The following UTRN variants were observed in gnomAD, a reference collection of about 807,000 sequenced individuals.
UTRN encodes dystrophin-related protein 1.
Under a neutral mutation model 463.9 loss-of-function variants are expected in UTRN, and 283 were observed. The ratio of observed to expected loss-of-function variants is 0.61; its 90% CI spans 0.55 to 0.67. The LOEUF (loss-of-function observed/expected upper bound fraction) is 0.67, where lower values mean the gene tolerates loss of function less well. UTRN is among the 30% of genes least tolerant of loss of function. The pLI is 0.00. For missense variants in UTRN, 3,922 were observed against 4,084.3 expected (o/e 0.96, Z 1.08); for synonymous variants, 1,442 against 1,431.5 (o/e 1.01, Z -0.17).
intron 69 of UTRN, among the ~76,000 whole-genome samples, chr6:144,834,828 C>T (rs1406046796): frequency 6.6e-6 from 1 of 152,146 alleles, no homozygotes. Context: ...TGAGATAGCC[C>T]CATTTGACAC....
At chr6:144,810,904 A>G (rs1308302267) in intron 65 of UTRN, among the ~76,000 whole-genome samples, 1 of 152,202 alleles carries the variant, frequency 6.6e-6, no homozygotes, top group Non-Finnish European at 1.5e-5. Flanking sequence ...ATACCACTCA[A>G]AACAGATTTA....
intron 2 of UTRN, among the ~76,000 whole-genome samples, chr6:144,329,084 CTTTT>C (rs1223318985): frequency 7.5e-6 from 1 of 133,314 alleles, no homozygotes; most frequent in African/African-American, 3.0e-5. Context: ...CGCACCTGGC[CTTTT>C]TTTTTTTTTT....
intron 51 of UTRN, among the ~76,000 whole-genome samples, chr6:144,589,399 T>C (rs956754190): frequency 2.0e-5 from 3 of 152,206 alleles, no homozygotes; most frequent in African/African-American, 7.2e-5. Flanking sequence ...CCTTAAGAGA[T>C]AGATAGGAAA....
At chr6:144,780,056 C>A (rs1216302779) in intron 60 of UTRN, among the ~76,000 whole-genome samples, 1 of 151,856 alleles carries the variant, frequency 6.6e-6, no homozygotes, top group African/African-American at 2.4e-5. Context: ...ATAAATAATT[C>A]TGTGTTACTC....
At chr6:144,546,839 C>T (rs1283895273) in intron 46 of UTRN, among the ~76,000 whole-genome samples, 4 of 152,008 alleles carry the variant, frequency 2.6e-5, no homozygotes, top group African/African-American at 4.8e-5. Context: ...AACAAACAAA[C>T]AAACAACTCT....
At chr6:144,728,731 A>G (rs1788190390) in intron 53 of UTRN, among the ~76,000 whole-genome samples, 2 of 152,254 alleles carry the variant, frequency 1.3e-5, no homozygotes, top group East Asian at 1.9e-4. Flanking sequence ...ATTTTATCCT[A>G]TATCCTGTGT....
chr6:144,290,752 CTTTTTTTTT>C (rs200477118), intron 1 of UTRN, among the ~76,000 whole-genome samples: 5 of 99,168 alleles, frequency 5.0e-5, no homozygotes, highest in East Asian at 3.0e-4. Flanking sequence ...CCACAATCGT[CTTTTTTTTT>C]TTTTTTTTTT....
intron 19 of UTRN, among the ~76,000 whole-genome samples, chr6:144,455,996 AC>A (rs746315259): frequency 4.0e-4 from 61 of 152,274 alleles, no homozygotes; most frequent in Non-Finnish European, 7.1e-4. Flanking sequence ...TTCATAGGAA[AC>A]CTTTTATAGT....
chr6:144,509,591 C>G (rs983396926), intron 34 of UTRN, among the ~76,000 whole-genome samples: 3 of 151,958 alleles, frequency 2.0e-5, no homozygotes, highest in Admixed American at 2.0e-4. Context: ...TCAAATGAAA[C>G]ATCAGTATAT....
chr6:144,495,380 C>T (rs982648388), intron 33 of UTRN, among the ~76,000 whole-genome samples: 2 of 152,262 alleles, frequency 1.3e-5, no homozygotes, highest in Admixed American at 1.3e-4. Context: ...CCCTCCACAG[C>T]CGCTGGCCCG....
At chr6:144,425,607 C>A (rs1300879866) in intron 6 of UTRN, among the ~76,000 whole-genome samples, 2 of 152,058 alleles carry the variant, frequency 1.3e-5, no homozygotes, top group Non-Finnish European at 2.9e-5. Context: ...TCTTGTTTCT[C>A]TATCTTATCT....
intron 51 of UTRN, among the ~76,000 whole-genome samples, chr6:144,627,776 A>G (rs1202275722): frequency 6.9e-6 from 1 of 144,618 alleles, no homozygotes; most frequent in Non-Finnish European, 1.5e-5. Context: ...GTTGTAGCAC[A>G]TTTCTGCATT....
intron 2 of UTRN, chr6:144,330,822 A>C: frequency 1.0e-6 from 1 of 985,442 alleles, no homozygotes; most frequent in Non-Finnish European, 1.2e-6. Flanking sequence ...CGGTTCCCAT[A>C]CTGTTTGGCC....
chr6:144,588,109 TC>T (rs1802649353), intron 51 of UTRN, among the ~76,000 whole-genome samples: 1 of 152,134 alleles, frequency 6.6e-6, no homozygotes, highest in Admixed American at 6.5e-5. Context: ...TTTCTGCACT[TC>T]CTAGTCAGGT....
At chr6:144,827,449 T>C in intron 67 of UTRN, 63 bp downstream of exon 67, 1 of 1,608,924 alleles carries the variant, frequency 6.2e-7, no homozygotes, top group Non-Finnish European at 8.5e-7. Context: ...CATGGGGGTC[T>C]TACTAAACTC....
chr6:144,440,412 G>T lies in UTRN; in HGVS notation c.1453G>T (p.Val485Phe). ...VKVNSLTHMV[V>F]IVDENSGESA... The stretch of plus-strand genomic sequence containing the variant: ...AGTAAATTCACTAACTCACATGGTG[G>T]TCATTGTTGATGAAAACAGTGGTGA... The change falls in exon 13 of 75, where the codon GTC (valine) becomes TTC (phenylalanine). Residue 485 changes from valine (V) to phenylalanine (F), a missense_variant. Transcript: ENST00000367545. 1 of 1,614,160 alleles carries T rather than the reference G, an allele frequency of 6.2e-7. No homozygotes were observed. Among genetic ancestry groups the T allele is most frequent in the Non-Finnish European group, 8.5e-7 (1 of 1,180,014 alleles).
chr6:144,554,637 C>T (rs368564374), intron 48 of UTRN, 51 bp from the exon 49 acceptor site: 4 of 1,590,054 alleles, frequency 2.5e-6, no homozygotes, highest in Non-Finnish European at 3.4e-6. Context: ...TTTTCTTTCT[C>T]CTGAGGGTTA....
Position 144,428,779 on chromosome 6 carries a change from C to G in UTRN, c.580C>G (p.Pro194Ala), listed in dbSNP as rs1344872892. ...AFNAVLHRHKPDLFSWDKVVK... is the reference protein window; with the variant it reads ...AFNAVLHRHKADLFSWDKVVK... ...GCATTTTATTTGCATGGTTTTCAGA[C>G]CTGATCTCTTCAGCTGGGATAAAGT... The change falls in exon 8 of 75, where the codon CCT (proline) becomes GCT (alanine). Residue 194 changes from proline to alanine, a missense_variant and splice_region_variant. Pro to Ala is a conservative substitution (Grantham distance 27). Around this residue, in one of 3 missense-constraint regions of UTRN, gnomAD observed 264 missense variants for 327.9 expected, o/e 0.81. Coordinates refer to ENST00000367545, the MANE Select transcript of UTRN (RefSeq NM_007124.3). 1.3e-6 allele frequency: 2 copies of G among 1,586,480 alleles called. No homozygotes were observed. The highest frequency in any genetic ancestry group is 1.7e-6 in the Non-Finnish European group (2 of 1,163,812).
At position 144,851,023 on chromosome 6, in the gene UTRN, T is replaced by C. The variant is rs371036745; in HGVS notation, c.*26T>C. The stretch of plus-strand genomic sequence containing the variant: ...AGTATTCATCCGGCCAACCAATGTT[T>C]CCTGACGTACAGTGTTGCCCTTTTC... On this transcript the variant is annotated 3_prime_UTR_variant, in exon 75 of 75. Transcript: ENST00000367545. 17 of 1,613,514 alleles carry C rather than the reference T, an allele frequency of 1.1e-5. No homozygotes were observed. The highest frequency in any genetic ancestry group is 1.4e-5 in the Non-Finnish European group (17 of 1,179,616).
Sources: gnomAD v4.1 joint callset for allele counts (sites outside exome capture counted in the v4.1 genomes callset) on GRCh38, gnomAD v4.1.1 for gene constraint, gnomAD v4.1.1 regional missense constraint, MANE v1.5 for transcripts, NCBI Gene and HGNC (gene_info 2026-07-23, HGNC 2026-07-21) for gene names.